SLC23A2: variants seen among roughly 807,000 people sequenced by gnomAD.
SLC23A2 encodes solute carrier family 23 member 2, also known as Na(+)/L-ascorbic acid transporter 2.
Under a neutral mutation model 73.3 loss-of-function variants are expected in SLC23A2, and 36 were observed. The observed-to-expected ratio is 0.49, with a 90% CI of 0.38 to 0.65. The LOEUF (loss-of-function observed/expected upper bound fraction) is 0.65, where lower values mean the gene tolerates loss of function less well. Ranked by LOEUF, SLC23A2 falls within the 30% of genes least tolerant of loss-of-function variation. The pLI, the probability that SLC23A2 is intolerant of heterozygous loss-of-function variation, is 0.00. For synonymous variants in SLC23A2, 343 were observed against 327.3 expected (o/e 1.05, Z -0.52); for missense variants, 507 against 841.6 (o/e 0.60, Z 4.92).
At chr20:4,986,203 C>G (rs1416216811) in intron 1 of SLC23A2, among the ~76,000 whole-genome samples, 1 of 152,100 alleles carries the variant, frequency 6.6e-6, no homozygotes, top group African/African-American at 2.4e-5. Context: ...TGCAGTGGCT[C>G]ATGCCTATAA....
chr20:4,905,381 T>C (rs982728171), intron 4 of SLC23A2, among the ~76,000 whole-genome samples: 1 of 152,224 alleles, frequency 6.6e-6, no homozygotes, highest in African/African-American at 2.4e-5. Flanking sequence ...CTCTGGCCAT[T>C]GTGCACTCTA....
intron 9 of SLC23A2, among the ~76,000 whole-genome samples, chr20:4,875,601 G>GA (rs143599695): frequency 6.6e-6 from 1 of 152,266 alleles, no homozygotes; most frequent in African/African-American, 2.4e-5. Context: ...AGTGCTATGG[G>GA]AGGCAGGTGC....
chr20:4,884,620 G>T (rs1265781771), intron 8 of SLC23A2, 133 bp downstream of exon 8: 12 of 715,316 alleles, frequency 1.7e-5, no homozygotes, highest in Admixed American at 4.3e-5. Context: ...ACTTAAACAA[G>T]AGAAATAAAC....
intron 3 of SLC23A2, among the ~76,000 whole-genome samples, chr20:4,929,260 T>C (rs184391777): frequency 4.2e-4 from 62 of 148,428 alleles, no homozygotes; most frequent in Admixed American, 2.4e-3. Context: ...AATGAGACCC[T>C]GTGTAAAAAA....
At chr20:4,960,138 C>A (rs1477862121) in intron 2 of SLC23A2, among the ~76,000 whole-genome samples, 1 of 152,182 alleles carries the variant, frequency 6.6e-6, no homozygotes, top group Non-Finnish European at 1.5e-5. Context: ...AAACAACATT[C>A]ACCTTTAACT....
chr20:4,866,467 T>C (rs1030940728), intron 13 of SLC23A2, among the ~76,000 whole-genome samples: 7 of 152,168 alleles, frequency 4.6e-5, no homozygotes, highest in African/African-American at 1.2e-4. Context: ...TTCCCTCATC[T>C]CCCTGTGCTC....
At chr20:4,996,850 C>T (rs1225456911) in intron 1 of SLC23A2, among the ~76,000 whole-genome samples, 4 of 151,916 alleles carry the variant, frequency 2.6e-5, no homozygotes, top group South Asian at 2.1e-4. Context: ...AGGTCAAAGT[C>T]GAAAATTGGG....
intron 1 of SLC23A2, among the ~76,000 whole-genome samples, chr20:4,990,431 G>A (rs781292968): frequency 6.6e-6 from 1 of 151,976 alleles, no homozygotes; most frequent in African/African-American, 2.4e-5. Context: ...ATGCAGTGGC[G>A]CGATCTCGAC....
intron 3 of SLC23A2, 138 bp downstream of exon 3, chr20:4,932,317 A>G (rs1402838957): frequency 7.7e-6 from 5 of 649,456 alleles, no homozygotes; most frequent in South Asian, 1.8e-5. Flanking sequence ...CCCAAAGACT[A>G]TCTCACATAT....
chr20:4,859,445 CT>C, intron 15 of SLC23A2, 61 bp from the exon 16 acceptor site: 1 of 1,091,064 alleles, frequency 9.2e-7, no homozygotes, highest in South Asian at 1.2e-5. Context: ...CTGCCCTTGA[CT>C]TGGGAAGGGG....
intron 6 of SLC23A2, among the ~76,000 whole-genome samples, chr20:4,887,540 C>A (rs941227720): frequency 1.2e-4 from 19 of 152,222 alleles, no homozygotes; most frequent in African/African-American, 4.6e-4. Context: ...GATCTGGCTT[C>A]CACTCTTCAG....
intron 2 of SLC23A2, among the ~76,000 whole-genome samples, chr20:4,968,857 T>C (rs1222157775): frequency 6.6e-6 from 1 of 151,594 alleles, no homozygotes; most frequent in African/African-American, 2.4e-5. Flanking sequence ...TAGCTAGCAA[T>C]ACAGGTGTGC....
At chr20:4,858,402 T>TCTCA (rs1172542763) in intron 16 of SLC23A2, among the ~76,000 whole-genome samples, 1 of 152,210 alleles carries the variant, frequency 6.6e-6, no homozygotes, top group Non-Finnish European at 1.5e-5. Context: ...TGCATCCCTC[T>TCTCA]CTCAATTCCC....
chr20:4,954,566 C>T (rs755496049), intron 2 of SLC23A2, among the ~76,000 whole-genome samples: 1 of 151,770 alleles, frequency 6.6e-6, no homozygotes, highest in Admixed American at 6.6e-5. Context: ...CGCGTGGTGG[C>T]GGGCGCCTGT....
At chr20:4,943,972 A>T (rs988530020) in intron 2 of SLC23A2, among the ~76,000 whole-genome samples, 3 of 152,160 alleles carry the variant, frequency 2.0e-5, no homozygotes, top group Admixed American at 1.3e-4. Context: ...GGAAGCGGAG[A>T]GTGGTTACCT....
chr20:4,958,300 T>A (rs1741701652), intron 2 of SLC23A2, among the ~76,000 whole-genome samples: 2 of 152,230 alleles, frequency 1.3e-5, no homozygotes, highest in Non-Finnish European at 2.9e-5. Flanking sequence ...TCCTGTAGTT[T>A]CTGCACTTCT....
intron 16 of SLC23A2, 38 bp downstream of exon 16, chr20:4,859,251 T>TAAA (rs35881880): frequency 1.8e-5 from 18 of 1,008,220 alleles, no homozygotes; most frequent in Admixed American, 4.8e-5. Context: ...TGTTAAAAAA[T>TAAA]AAAAAAAAAA....
chr20:4,854,552 C>G lies in SLC23A2; in HGVS notation c.*2420G>C, dbSNP rs1689844859. 6.6e-6 allele frequency: 1 copy of G among 152,194 alleles called. No individual in the cohort carries two copies. Among genetic ancestry groups the G allele is most frequent in the African/African-American group, 2.4e-5 (1 of 41,408 alleles). 9.4% of individuals were successfully genotyped at this position (152,194 alleles called of 1,614,324 possible). A position where few individuals can be genotyped will look rare whatever the true frequency, so the allele number is the denominator to read the frequency against. On this transcript the variant is annotated 3_prime_UTR_variant, in exon 17 of 17. Transcript: ENST00000338244. ...TCCTATTCCCTTACCCCTCCTCGGA[C>G]AGAATTATTGGGTTGGCCACAGTGG...
intron 6 of SLC23A2, among the ~76,000 whole-genome samples, chr20:4,895,442 A>G (rs1326105402): frequency 2.0e-5 from 3 of 152,246 alleles, no homozygotes; most frequent in South Asian, 2.1e-4. Flanking sequence ...CTAAGCAACT[A>G]GCAGAACTAA....
Sources: gnomAD v4.1 joint callset for allele counts (sites outside exome capture counted in the v4.1 genomes callset) on GRCh38, gnomAD v4.1.1 for gene constraint, MANE v1.5 for transcripts, NCBI Gene and HGNC (gene_info 2026-07-23, HGNC 2026-07-21) for gene names.